PDLIM3: variants seen among roughly 807,000 people sequenced by gnomAD.
The protein encoded by PDLIM3 is PDZ and LIM domain 3.
In PDLIM3, 36 loss-of-function variants were observed where a neutral mutation model predicts 37.3. That is an observed-to-expected ratio of 0.97 (90% CI 0.74 to 1.28). The LOEUF is 1.28. Ranked by LOEUF, PDLIM3 falls within the 50% of genes most tolerant of loss-of-function variation. The pLI, the probability that PDLIM3 is intolerant of heterozygous loss-of-function variation, is 0.00. For missense variants in PDLIM3, 454 were observed against 485.0 expected (o/e 0.94, Z 0.60); for synonymous variants, 174 against 182.4 (o/e 0.95, Z 0.37).
intron 1 of PDLIM3, among the ~76,000 whole-genome samples, chr4:185,534,162 G>T (rs958402293): frequency 6.6e-6 from 1 of 152,168 alleles, no homozygotes; most frequent in African/African-American, 2.4e-5. Flanking sequence ...ACGTTCCATT[G>T]TATGCGTCTG....
At chr4:185,511,913 C>T (rs1240590498) in intron 4 of PDLIM3, among the ~76,000 whole-genome samples, 4 of 151,744 alleles carry the variant, frequency 2.6e-5, no homozygotes, top group Non-Finnish European at 4.4e-5. Flanking sequence ...AGAATGCACC[C>T]GAAAAAAACT....
intron 4 of PDLIM3, among the ~76,000 whole-genome samples, chr4:185,510,261 C>T (rs1352032935): frequency 6.6e-6 from 1 of 152,172 alleles, no homozygotes; most frequent in Non-Finnish European, 1.5e-5. Context: ...TGGGAGACTT[C>T]GGCCTCCCAG....
intron 1 of PDLIM3, among the ~76,000 whole-genome samples, chr4:185,529,434 A>G (rs2095739960): frequency 6.6e-6 from 1 of 152,212 alleles, no homozygotes; most frequent in African/African-American, 2.4e-5. Context: ...GTTAATAAAA[A>G]CGACTGAAAT....
intron 1 of PDLIM3, among the ~76,000 whole-genome samples, chr4:185,526,090 G>A (rs1418564485): frequency 1.3e-5 from 2 of 152,214 alleles, no homozygotes; most frequent in African/African-American, 4.8e-5. Flanking sequence ...TCAAGCAAAG[G>A]CAAGACATGA....
At chr4:185,516,984 C>T (rs1360366856) in intron 3 of PDLIM3, 3 of 152,196 alleles carry the variant, frequency 2.0e-5, no homozygotes, top group Admixed American at 6.5e-5. Context: ...TGTAGCTGCT[C>T]TTAGGTAGAA....
Position 185,506,664 on chromosome 4 carries a change from G to A in PDLIM3, c.663-12C>T, listed in dbSNP as rs371266985. On this transcript the variant is annotated splice_polypyrimidine_tract_variant and intron_variant, in intron 5 of 7. Transcript: ENST00000284767. ...AGGCTGTGGGCTCGCTGAAACACAG[G>A]CACGGCGGGGAGCATCGTCAGGTGC... 1.9e-6 allele frequency: 3 copies of A among 1,601,946 alleles called. No individual in the cohort carries two copies. The highest frequency in any genetic ancestry group is 2.2e-5 in the South Asian group (2 of 91,066).
Position 185,504,493 on chromosome 4 carries a change from T to C in PDLIM3, c.887A>G (p.Lys296Arg), listed in dbSNP as rs763164171. 2 of 1,613,708 alleles carry C rather than the reference T, an allele frequency of 1.2e-6. No homozygotes were observed. Among genetic ancestry groups the C allele is most frequent in the Non-Finnish European group, 1.7e-6 (2 of 1,179,606 alleles). Residue 296 changes from lysine (K) to arginine (R), a missense_variant, in exon 7 of 8, where the codon AAA becomes AGA. By Grantham distance (26) the Lys-to-Arg change is conservative (BLOSUM62 2). Transcript: ENST00000284767. This position sits in a 1 kb window ranked among gnomAD's most constrained non-coding sequence, Gnocchi z 4.7. ...GGAQRMPLCD[K>R]CGSGIVGAVV... is the part of the protein sequence containing the mutation. Reference sequence around the variant, plus strand: ...AACTTACACTATGCCACTCCCACATTTGTCACAGAGCGGCATCCTCTGTGC... The same window carrying C: ...AACTTACACTATGCCACTCCCACATCTGTCACAGAGCGGCATCCTCTGTGC...
rs112661328 is a variant in PDLIM3 at position 185,525,103 on chromosome 4, G to T, written c.162C>A (p.Gly54=). 6.2e-7 allele frequency: 1 copy of T among 1,614,152 alleles called. No individual in the cohort carries two copies. Among genetic ancestry groups the T allele is most frequent in the Non-Finnish European group, 8.5e-7 (1 of 1,179,982 alleles). ...CATGAGTCATGGACTCTGTCCCAAA[G>T]CCGTCAATAGCCAGGATGACATCTC... ...CPGDVILAID[G]FGTESMTHAD... is the part of the protein sequence containing the mutation. Residue 54 remains glycine (G), a synonymous_variant, in exon 2 of 8, where the codon GGC becomes GGA. Coordinates refer to ENST00000284767, the MANE Select transcript of PDLIM3 (RefSeq NM_014476.6).
intron 1 of PDLIM3, among the ~76,000 whole-genome samples, chr4:185,530,700 A>C (rs1220611330): frequency 6.6e-6 from 1 of 152,186 alleles, no homozygotes; most frequent in East Asian, 1.9e-4. Flanking sequence ...CATAAGTGTT[A>C]AATTGCAGCT....
rs763413403 is a variant in PDLIM3, at chr4:185,521,267, G to C, written c.330+2095C>G. Among the ~76,000 whole-genome samples the C allele has an allele frequency of 4.4e-4, 29 of 65,734 alleles. 12 individuals are homozygous for C. Among genetic ancestry groups the C allele is most frequent in the Admixed American group, 1.7e-3 (10 of 5,880 alleles). 43.1% of individuals were successfully genotyped at this position (65,734 alleles called of 152,430 possible). A position where few individuals can be genotyped will look rare whatever the true frequency, so the allele number is the denominator to read the frequency against. ...ACCAGCCCACCTAGTATGTCAGGGG[G>C]AGTCGCCATCAGCATTCAGATCCCT... On this transcript the variant is annotated intron_variant, in intron 3 of 7. Coordinates refer to ENST00000284767, the MANE Select transcript of PDLIM3 (RefSeq NM_014476.6).
intron 3 of PDLIM3, among the ~76,000 whole-genome samples, chr4:185,518,914 T>C (rs992780600): frequency 6.6e-6 from 1 of 152,220 alleles, no homozygotes; most frequent in Non-Finnish European, 1.5e-5. Context: ...CTTATTTAGA[T>C]AAGAACCATT....
intron 4 of PDLIM3, among the ~76,000 whole-genome samples, chr4:185,509,869 T>C (rs1252131671): frequency 6.6e-6 from 1 of 152,132 alleles, no homozygotes; most frequent in Non-Finnish European, 1.5e-5. Flanking sequence ...ACTCCAGCAA[T>C]GTTGCAGCCG....
rs113408463 is a variant in PDLIM3 at position 185,503,239 on chromosome 4, T to C, written c.906-756A>G. On this transcript the variant is annotated intron_variant, in intron 7 of 7. Transcript: ENST00000284767. ...ACTGTCTCAAAAACAACAACAACAA[T>C]AACAACAAAAACAAAACAAAACAAA... is the stretch of plus-strand genomic sequence containing the variant. 6.0e-3 allele frequency among the ~76,000 whole-genome samples: 911 copies of C among 151,550 alleles called. 6 individuals are homozygous for C. Among genetic ancestry groups the C allele is most frequent in the Middle Eastern group, 0.021 (6 of 292 alleles).
At position 185,520,928 on chromosome 4, in the gene PDLIM3, G is replaced by C. The variant is rs183097010; in HGVS notation, c.330+2434C>G. Among the ~76,000 whole-genome samples, 19 of 66,468 alleles carry C rather than the reference G, an allele frequency of 2.9e-4. 6 individuals are homozygous for C. Among genetic ancestry groups the C allele is most frequent in the Admixed American group, 2.2e-3 (13 of 5,884 alleles). The allele number at this position is 66,468 out of a possible 152,430, so 43.6% of individuals were successfully genotyped here. ...GGAAAAATAAGTTGCAAAGGATGCAGTGCAATATTGGATGTGTGCTGTGTA... is the reference window on the plus strand; with the variant it reads ...GGAAAAATAAGTTGCAAAGGATGCACTGCAATATTGGATGTGTGCTGTGTA... On this transcript the variant is annotated intron_variant, in intron 3 of 7. Coordinates refer to ENST00000284767, the MANE Select transcript of PDLIM3 (RefSeq NM_014476.6).
At chr4:185,516,393 T>A (rs1044347147) in intron 3 of PDLIM3, 1 of 152,238 alleles carries the variant, frequency 6.6e-6, no homozygotes, top group Non-Finnish European at 1.5e-5. Flanking sequence ...TAAAAGATCC[T>A]GTAATATTTA....
At chr4:185,529,717 C>T (rs1326456286) in intron 1 of PDLIM3, among the ~76,000 whole-genome samples, 1 of 152,182 alleles carries the variant, frequency 6.6e-6, no homozygotes, top group Admixed American at 6.5e-5. Flanking sequence ...GAACCATCAC[C>T]GTATTACTAT....
intron 1 of PDLIM3, among the ~76,000 whole-genome samples, chr4:185,530,729 A>G (rs1421180526): frequency 6.6e-6 from 1 of 152,120 alleles, no homozygotes; most frequent in Non-Finnish European, 1.5e-5. Flanking sequence ...TAGCGCGATG[A>G]AGTCTTACTC....
intron 1 of PDLIM3, among the ~76,000 whole-genome samples, chr4:185,526,591 A>G (rs1423995464): frequency 6.6e-6 from 1 of 152,238 alleles, no homozygotes; most frequent in Non-Finnish European, 1.5e-5. Flanking sequence ...TCTTTTGACC[A>G]GTATACCTAC....
rs913363612 is a variant in PDLIM3 at position 185,512,757 on chromosome 4, T to G, written c.398+1513A>C. On this transcript the variant is annotated intron_variant, in intron 4 of 7. Transcript: ENST00000284767. ...TGCAAGTGATTAATTTTACTATGCT[T>G]CTTTGGGAAGTTGTATATATTCAAC... is the stretch of plus-strand genomic sequence containing the variant. 5.1e-6 allele frequency: 5 copies of G among 984,854 alleles called. No individual in the cohort carries two copies. In the African/African-American group the frequency reaches 8.7e-5, roughly 17 times the overall value. 61.0% of individuals were successfully genotyped at this position (984,854 alleles called of 1,614,324 possible).
Sources: gnomAD v4.1 joint callset for allele counts (sites outside exome capture counted in the v4.1 genomes callset) on GRCh38, gnomAD v4.1.1 for gene constraint, Gnocchi (gnomAD v3.1) non-coding constraint, MANE v1.5 for transcripts, NCBI Gene and HGNC (gene_info 2026-07-23, HGNC 2026-07-21) for gene names.